KLRG1: variants seen among roughly 807,000 people sequenced by gnomAD.
The protein encoded by KLRG1 is killer cell lectin-like receptor subfamily G member 1.
In KLRG1, 16 loss-of-function variants were observed where a neutral mutation model predicts 21.8. The ratio of observed to expected loss-of-function variants is 0.73; its 90% CI spans 0.50 to 1.11. KLRG1 has a LOEUF of 1.11. Among genes scored for constraint, KLRG1 ranks in the 50% most tolerant of loss-of-function variants. The pLI is 0.00. For synonymous variants in KLRG1, 69 were observed against 75.9 expected (o/e 0.91, Z 0.47); for missense variants, 173 against 218.3 (o/e 0.79, Z 1.31).
chr12:9,104,461 T>G, the KLRG1 span: 3 of 1,503,798 alleles, frequency 2.0e-6, no homozygotes, highest in Non-Finnish European at 2.7e-6. Context: ...CCAAACATAT[T>G]CATTTATCAC....
chr12:9,104,517 G>T, the KLRG1 span: 1 of 1,077,014 alleles, frequency 9.3e-7, no homozygotes, highest in Non-Finnish European at 1.3e-6. Context: ...CAGGCACTGA[G>T]GACACAGCAG....
the KLRG1 span, chr12:9,128,106 T>C: frequency 5.2e-6 from 1 of 192,028 alleles, no homozygotes; most frequent in Non-Finnish European, 1.1e-5. Flanking sequence ...AAGACGCACA[T>C]CCAAGGCCTG....
At chr12:8,957,916 G>C (rs183879914) in intron 1 of KLRG1, among the ~76,000 whole-genome samples, 1 of 152,302 alleles carries the variant, frequency 6.6e-6, no homozygotes, top group East Asian at 1.9e-4. Flanking sequence ...TTGACTACTG[G>C]TAACTGAAAT....
At chr12:9,158,300 G>T in the KLRG1 span, 1 of 1,381,072 alleles carries the variant, frequency 7.2e-7, no homozygotes, top group Non-Finnish European at 1.0e-6. Context: ...TTTCCCTGAT[G>T]CCATCCCACA....
the KLRG1 span, among the ~76,000 whole-genome samples, chr12:9,171,212 A>G: frequency 6.6e-6 from 1 of 152,190 alleles, no homozygotes; most frequent in East Asian, 1.9e-4. Flanking sequence ...GGGAGAAACC[A>G]AAGCAACTGG....
chr12:9,083,841 A>G, the KLRG1 span, among the ~76,000 whole-genome samples: 3 of 152,108 alleles, frequency 2.0e-5, no homozygotes, highest in South Asian at 2.1e-4. Flanking sequence ...AGAGGTCTCC[A>G]GTGAAATTCA....
the KLRG1 span, among the ~76,000 whole-genome samples, chr12:9,043,870 AC>A: frequency 9.8e-5 from 15 of 152,314 alleles, no homozygotes; most frequent in Non-Finnish European, 2.2e-4. Context: ...AAGCCAAGCT[AC>A]TCTGTTGGAG....
the KLRG1 span, chr12:9,079,822 A>C: frequency 7.6e-6 from 12 of 1,579,462 alleles, no homozygotes; most frequent in East Asian, 9.0e-5. Flanking sequence ...TCTCCTAGAG[A>C]ATGGGAGAGA....
At chr12:9,050,939 C>T in the KLRG1 span, among the ~76,000 whole-genome samples, 1 of 152,184 alleles carries the variant, frequency 6.6e-6, no homozygotes, top group African/African-American at 2.4e-5. Context: ...ACTTGGGAGC[C>T]ATGAATGGTG....
At chr12:9,200,240 A>G in the KLRG1 span, 14 of 545,540 alleles carry the variant, frequency 2.6e-5, no homozygotes, top group Middle Eastern at 1.3e-3. Flanking sequence ...CGTTAAATAA[A>G]GAGAAGTCAA....
chr12:9,188,907 G>A, the KLRG1 span, among the ~76,000 whole-genome samples: 2 of 152,092 alleles, frequency 1.3e-5, no homozygotes, highest in Non-Finnish European at 1.5e-5. Flanking sequence ...AATATTCCAT[G>A]CTCATAGATA....
the KLRG1 span, among the ~76,000 whole-genome samples, chr12:9,170,848 C>T: frequency 6.6e-6 from 1 of 152,144 alleles, no homozygotes; most frequent in Non-Finnish European, 1.5e-5. This position sits in a 1 kb window ranked among gnomAD's most constrained non-coding sequence, Gnocchi z 4.6. Context: ...TTTGATCTCT[C>T]CCTGGGACCG....
the KLRG1 span, chr12:9,066,581 G>A: frequency 6.6e-6 from 1 of 152,364 alleles, no homozygotes; most frequent in Non-Finnish European, 1.5e-5. Context: ...AGTGCGAGTG[G>A]GCAGAAGCAG....
chr12:8,952,602 T>G (rs1410631319), intron 1 of KLRG1, among the ~76,000 whole-genome samples: 1 of 152,198 alleles, frequency 6.6e-6, no homozygotes, highest in African/African-American at 2.4e-5. Context: ...GCAAGGATAA[T>G]ACAAAGAACT....
At chr12:9,101,300 G>T in the KLRG1 span, 2 of 1,378,320 alleles carry the variant, frequency 1.5e-6, no homozygotes, top group Non-Finnish European at 1.0e-6. Flanking sequence ...GTCCCTGCCG[G>T]CAATAATTCA....
the KLRG1 span, chr12:9,135,469 G>A: frequency 2.7e-6 from 1 of 369,400 alleles, no homozygotes; most frequent in Non-Finnish European, 5.1e-6. Flanking sequence ...AGCCCCACCA[G>A]CAGGGGGTAG....
At chr12:9,000,590 T>G (rs1341029706) in intron 3 of KLRG1, among the ~76,000 whole-genome samples, 1 of 152,220 alleles carries the variant, frequency 6.6e-6, no homozygotes, top group African/African-American at 2.4e-5. Flanking sequence ...CCCCTGGTAA[T>G]CACTATTCTA....
At chr12:9,003,508 T>G (rs1443363267) in intron 3 of KLRG1, among the ~76,000 whole-genome samples, 1 of 152,066 alleles carries the variant, frequency 6.6e-6, no homozygotes, top group East Asian at 1.9e-4. Context: ...CTAATTTAAA[T>G]AATTCTTTAA....
chr12:9,005,686 G>A (rs1006650002), intron 3 of KLRG1, among the ~76,000 whole-genome samples: 1 of 152,164 alleles, frequency 6.6e-6, no homozygotes, highest in African/African-American at 2.4e-5. Context: ...AAGATGTTTA[G>A]CACCAGGCAC....
Sources: gnomAD v4.1 joint callset for allele counts (sites outside exome capture counted in the v4.1 genomes callset) on GRCh38, gnomAD v4.1.1 for gene constraint, Gnocchi (gnomAD v3.1) non-coding constraint, MANE v1.5 for transcripts, NCBI Gene and HGNC (gene_info 2026-07-23, HGNC 2026-07-21) for gene names.